SLCO1B1: variants seen among roughly 807,000 people sequenced by gnomAD.
The protein encoded by SLCO1B1 is solute carrier organic anion transporter family member 1B1, also known as OATP-2.
SLCO1B1 carries 81 observed loss-of-function variants against 70.1 expected under a neutral mutation model. The observed-to-expected ratio is 1.16, with a 90% confidence interval of 0.97 to 1.39. The LOEUF is 1.39. Ranked by LOEUF, SLCO1B1 falls within the 40% of genes most tolerant of loss-of-function variation. The pLI is 0.00. For missense variants in SLCO1B1, 895 were observed against 799.6 expected (o/e 1.12, Z -1.44); for synonymous variants, 283 against 271.5 (o/e 1.04, Z -0.42).
chr12:21,207,402 G>A (rs1249237807), intron 11 of SLCO1B1, among the ~76,000 whole-genome samples: 1 of 151,976 alleles, frequency 6.6e-6, no homozygotes, highest in Non-Finnish European at 1.5e-5. Context: ...CTGGTTTTCT[G>A]TTCCTATGTT....
intron 2 of SLCO1B1, among the ~76,000 whole-genome samples, chr12:21,161,589 T>C (rs1048159196): frequency 2.0e-5 from 3 of 152,100 alleles, no homozygotes; most frequent in Admixed American, 2.0e-4. Context: ...ACCTGAGTGA[T>C]GAAATAATCT....
At chr12:21,182,065 C>T (rs902348053) in intron 7 of SLCO1B1, among the ~76,000 whole-genome samples, 5 of 152,246 alleles carry the variant, frequency 3.3e-5, no homozygotes, top group Admixed American at 6.5e-5. Flanking sequence ...TAACATACTT[C>T]GAGCATATCT....
intron 9 of SLCO1B1, among the ~76,000 whole-genome samples, chr12:21,201,530 T>A (rs1941157462): frequency 6.6e-6 from 1 of 152,120 alleles, no homozygotes; most frequent in Admixed American, 6.6e-5. Context: ...GTAGAGCGAT[T>A]TGTCAGTTCA....
intron 5 of SLCO1B1, among the ~76,000 whole-genome samples, chr12:21,177,251 T>C (rs547694351): frequency 1.3e-5 from 2 of 152,270 alleles, no homozygotes; most frequent in Admixed American, 1.3e-4. Flanking sequence ...TTCCTTAATA[T>C]ACCAAGGGAT....
intron 2 of SLCO1B1, among the ~76,000 whole-genome samples, chr12:21,155,986 C>T (rs1038543459): frequency 4.6e-5 from 7 of 152,138 alleles, no homozygotes; most frequent in Admixed American, 2.0e-4. Context: ...AGGTAGAAAG[C>T]ACTGATTCCT....
Position 21,200,508 on chromosome 12 carries a change from G to GT in SLCO1B1, c.977dup (p.Gln327ProfsTer4), listed in dbSNP as rs763545439. ...TTTCTTTATTTTTACAATTTTACAGGTTTTTTCCAGTCTTTTAAAAGCATC... is the reference window on the plus strand; with the variant it reads ...TTTCTTTATTTTTACAATTTTACAGGTTTTTTTCCAGTCTTTTAAAAGCATC... On this transcript the variant is annotated frameshift_variant and splice_region_variant, in exon 9 of 15. Transcript: ENST00000256958. LOFTEE classifies it high-confidence loss of function. 9.0e-6 allele frequency: 14 copies of GT among 1,556,076 alleles called. No homozygotes were observed. Among genetic ancestry groups the GT allele is most frequent in the East Asian group, 6.9e-5 (3 of 43,738 alleles).
intron 14 of SLCO1B1, among the ~76,000 whole-genome samples, chr12:21,235,981 G>GT (rs1941592569): frequency 6.6e-6 from 1 of 151,986 alleles, no homozygotes; most frequent in Admixed American, 6.6e-5. Context: ...GTTAGGATTT[G>GT]TTTTTTCATG....
At chr12:21,213,031 G>A (rs1442980249) in intron 11 of SLCO1B1, among the ~76,000 whole-genome samples, 1 of 151,658 alleles carries the variant, frequency 6.6e-6, no homozygotes, top group Non-Finnish European at 1.5e-5. Context: ...TTGCCAGTCT[G>A]TGTCTTTTAA....
intron 4 of SLCO1B1, among the ~76,000 whole-genome samples, chr12:21,176,101 A>T (rs1940816667): frequency 6.6e-6 from 1 of 152,110 alleles, no homozygotes; most frequent in African/African-American, 2.4e-5. Flanking sequence ...TCTTTGTGAC[A>T]ACTCAGGACC....
At chr12:21,155,189 C>G (rs1336890950) in intron 2 of SLCO1B1, among the ~76,000 whole-genome samples, 1 of 151,242 alleles carries the variant, frequency 6.6e-6, no homozygotes, top group Non-Finnish European at 1.5e-5. Flanking sequence ...TATTTTTTCT[C>G]ATTTTAAGGC....
chr12:21,222,603 G>C (rs905548939), intron 13 of SLCO1B1, among the ~76,000 whole-genome samples: 34 of 151,494 alleles, frequency 2.2e-4, no homozygotes, highest in Admixed American at 1.8e-3. Flanking sequence ...AGGAGAATTC[G>C]ATTGTTAATT....
chr12:21,139,644 A>G (rs1672212869), intron 1 of SLCO1B1, among the ~76,000 whole-genome samples: 1 of 152,116 alleles, frequency 6.6e-6, no homozygotes, highest in Non-Finnish European at 1.5e-5. Context: ...AAATTTGTCT[A>G]TTCACTAAAA....
chr12:21,179,682 T>C (rs1050960813), intron 7 of SLCO1B1, among the ~76,000 whole-genome samples: 8 of 152,106 alleles, frequency 5.3e-5, no homozygotes, highest in African/African-American at 1.7e-4. Flanking sequence ...ACCATATCTA[T>C]CTTTATCTTC....
chr12:21,182,538 G>C (rs1322046331), intron 7 of SLCO1B1, among the ~76,000 whole-genome samples: 1 of 152,054 alleles, frequency 6.6e-6, no homozygotes, highest in African/African-American at 2.4e-5. Flanking sequence ...CCTTCTGCCC[G>C]CCAGTCCCTC....
chr12:21,135,915 G>GT (rs1242646224), intron 1 of SLCO1B1, among the ~76,000 whole-genome samples: 1 of 152,200 alleles, frequency 6.6e-6, no homozygotes, highest in Non-Finnish European at 1.5e-5. Flanking sequence ...AGTTGATGCA[G>GT]TTTCTTCCTA....
At position 21,176,886 on chromosome 12, in the gene SLCO1B1, T is replaced by G. The variant is rs770045274; in HGVS notation, c.470T>G (p.Ile157Arg). The change falls in exon 5 of 15, where the codon ATA (isoleucine) becomes AGA (arginine). Residue 157 changes from isoleucine (I) to arginine (R), a missense_variant. Physicochemically the swap from Ile to Arg is moderately conservative, Grantham distance 97. Coordinates refer to ENST00000256958, the MANE Select transcript of SLCO1B1 (RefSeq NM_006446.5). The part of the protein sequence containing the change: ...ILSLNRASPE[I>R]VGKGCLKESG... ...TCACTCAATAGAGCATCACCTGAGATAGTGGGAAAAGGTAAGAATTAATAT... is the reference window on the plus strand; with the variant it reads ...TCACTCAATAGAGCATCACCTGAGAGAGTGGGAAAAGGTAAGAATTAATAT... 6.4e-7 allele frequency: 1 copy of G among 1,551,136 alleles called. No individual in the cohort carries two copies. Among genetic ancestry groups the G allele is most frequent in the Non-Finnish European group, 8.9e-7 (1 of 1,122,488 alleles).
At chr12:21,163,797 A>G (rs1373196570) in intron 2 of SLCO1B1, among the ~76,000 whole-genome samples, 1 of 152,152 alleles carries the variant, frequency 6.6e-6, no homozygotes, top group African/African-American at 2.4e-5. Flanking sequence ...ATACCATCAC[A>G]TTGGGTTAGG....
intron 4 of SLCO1B1, among the ~76,000 whole-genome samples, chr12:21,175,896 T>C (rs1940813475): frequency 6.6e-6 from 1 of 152,106 alleles, no homozygotes; most frequent in African/African-American, 2.4e-5. Context: ...AGGACCACAA[T>C]CTAGATCAGC....
At chr12:21,157,349 CATGAAATAAA>C (rs1415972842) in intron 2 of SLCO1B1, among the ~76,000 whole-genome samples, 1 of 151,944 alleles carries the variant, frequency 6.6e-6, no homozygotes, top group Non-Finnish European at 1.5e-5. Flanking sequence ...TAGAAACCTA[CATGAAATAAA>C]ATGAAATAAA....
Sources: allele counts gnomAD v4.1 joint callset (sites outside exome capture counted in the v4.1 genomes callset), GRCh38; gene constraint gnomAD v4.1.1; transcripts MANE v1.5; gene names NCBI Gene and HGNC (gene_info 2026-07-23, HGNC 2026-07-21).